Variants in PRKG1 observed in about 807,000 individuals in gnomAD.
PRKG1 encodes cGMP-dependent protein kinase 1.
A neutral mutation model predicts 88.1 loss-of-function variants in PRKG1; 35 were observed. The observed-to-expected ratio is 0.40, with a 90% CI of 0.30 to 0.53. PRKG1 has a LOEUF of 0.53. Among genes scored for constraint, PRKG1 ranks in the 20% least tolerant of loss-of-function variants. PRKG1 has a pLI of 0.59. For synonymous variants in PRKG1, 303 were observed against 292.5 expected (o/e 1.04, Z -0.37); for missense variants, 540 against 839.8 (o/e 0.64, Z 4.41).
At chr10:51,659,770 T>C (rs954447462) in intron 3 of PRKG1, among the ~76,000 whole-genome samples, 9 of 152,094 alleles carry the variant, frequency 5.9e-5, no homozygotes, top group Admixed American at 4.6e-4. Context: ...TCACAAGCCT[T>C]GGAAGATGCC....
intron 3 of PRKG1, among the ~76,000 whole-genome samples, chr10:51,565,637 T>A (rs1257065500): frequency 6.6e-6 from 1 of 152,116 alleles, no homozygotes; most frequent in Non-Finnish European, 1.5e-5. Flanking sequence ...GTATATCCAA[T>A]GTGCAAACTA....
At chr10:51,181,220 T>C (rs1287710227) in intron 2 of PRKG1, among the ~76,000 whole-genome samples, 3 of 137,336 alleles carry the variant, frequency 2.2e-5, no homozygotes, top group Admixed American at 1.5e-4. Context: ...GATTATTATA[T>C]AGAATTTTTT....
chr10:51,943,981 G>A (rs1170232667), intron 5 of PRKG1, among the ~76,000 whole-genome samples: 1 of 151,998 alleles, frequency 6.6e-6, no homozygotes, highest in East Asian at 1.9e-4. Flanking sequence ...AATGAGTTAG[G>A]GAGGATTCCC....
At chr10:51,086,616 T>TAGAAAATGG (rs1324175108) in intron 1 of PRKG1, among the ~76,000 whole-genome samples, 1 of 152,200 alleles carries the variant, frequency 6.6e-6, no homozygotes, top group African/African-American at 2.4e-5. Context: ...CTCACCCCCT[T>TAGAAAATGG]AGAAAATGGA....
chr10:51,149,198 G>A (rs1589195013), intron 1 of PRKG1, among the ~76,000 whole-genome samples: 1 of 152,082 alleles, frequency 6.6e-6, no homozygotes, highest in South Asian at 2.1e-4. Context: ...CTTTATTTCA[G>A]AGAGGCCTTC....
At chr10:51,237,352 G>A (rs376290100) in intron 2 of PRKG1, among the ~76,000 whole-genome samples, 2 of 152,172 alleles carry the variant, frequency 1.3e-5, no homozygotes, top group African/African-American at 4.8e-5. Flanking sequence ...CAGGGCTCTA[G>A]GGACACATGC....
intron 3 of PRKG1, among the ~76,000 whole-genome samples, chr10:51,728,663 G>C (rs984327826): frequency 6.6e-6 from 1 of 152,004 alleles, no homozygotes; most frequent in African/African-American, 2.4e-5. Context: ...TGTTATATAA[G>C]TATCAGCTAT....
At chr10:51,166,441 T>A (rs1315908961) in intron 2 of PRKG1, among the ~76,000 whole-genome samples, 2 of 152,132 alleles carry the variant, frequency 1.3e-5, no homozygotes, top group Non-Finnish European at 2.9e-5. Flanking sequence ...TAAATTTAAA[T>A]TTACAAGAAA....
At chr10:52,167,987 T>TA (rs1212711886) in intron 9 of PRKG1, among the ~76,000 whole-genome samples, 1 of 152,200 alleles carries the variant, frequency 6.6e-6, no homozygotes, top group African/African-American at 2.4e-5. Flanking sequence ...TCCCTTGGTA[T>TA]ACATAAAGAT....
At chr10:51,506,259 T>G (rs1457380001) in intron 3 of PRKG1, among the ~76,000 whole-genome samples, 4 of 152,164 alleles carry the variant, frequency 2.6e-5, no homozygotes, top group Non-Finnish European at 4.4e-5. Flanking sequence ...GGACTTCATG[T>G]CTAAAACACC....
At chr10:51,050,971 G>T (rs1189924113) in intron 1 of PRKG1, among the ~76,000 whole-genome samples, 1 of 151,888 alleles carries the variant, frequency 6.6e-6, no homozygotes, top group Non-Finnish European at 1.5e-5. Flanking sequence ...GTCTCTTCAA[G>T]TCCTTTGCTC....
At chr10:51,892,385 G>A (rs1841743268) in intron 4 of PRKG1, among the ~76,000 whole-genome samples, 1 of 152,072 alleles carries the variant, frequency 6.6e-6, no homozygotes, top group South Asian at 2.1e-4. Context: ...TGAATATTGT[G>A]GTTTTCAAGA....
chr10:51,509,613 C>A (rs1444596021), intron 3 of PRKG1, among the ~76,000 whole-genome samples: 2 of 152,116 alleles, frequency 1.3e-5, no homozygotes, highest in Admixed American at 6.6e-5. Flanking sequence ...GGGGCTTAAG[C>A]AATCCTCCTG....
At chr10:52,158,529 C>T (rs564749129) in intron 8 of PRKG1, among the ~76,000 whole-genome samples, 1 of 151,676 alleles carries the variant, frequency 6.6e-6, no homozygotes, top group African/African-American at 2.4e-5. Context: ...ATCAATTATG[C>T]TTATCAAGAT....
intron 7 of PRKG1, among the ~76,000 whole-genome samples, chr10:52,098,723 A>T (rs1847230028): frequency 6.6e-6 from 1 of 152,204 alleles, no homozygotes; most frequent in Admixed American, 6.5e-5. Context: ...TCCAGGCTGG[A>T]TCAGAAAATG....
chr10:51,760,521 G>T (rs1217501483), intron 3 of PRKG1, among the ~76,000 whole-genome samples: 1 of 150,986 alleles, frequency 6.6e-6, no homozygotes, highest in East Asian at 2.0e-4. Context: ...ACTCAGGCTG[G>T]AGTGCAGTGG....
At chr10:52,027,585 A>G (rs1348977412) in intron 5 of PRKG1, among the ~76,000 whole-genome samples, 1 of 152,196 alleles carries the variant, frequency 6.6e-6, no homozygotes, top group Non-Finnish European at 1.5e-5. Flanking sequence ...GTAGACACAC[A>G]TAAACAATGG....
rs149338459 is a variant in PRKG1 at position 51,599,297 on chromosome 10, C to A, written c.592+131461C>A. On this transcript the variant is annotated intron_variant, in intron 3 of 17. Transcript: ENST00000373980. Reference sequence around the variant, plus strand: ...TAGTGGGTAGTGGCCAGAGGCACTACTAAACATCCCACGATACACAGGACA... The same window carrying A: ...TAGTGGGTAGTGGCCAGAGGCACTAATAAACATCCCACGATACACAGGACA... Among the ~76,000 whole-genome samples the A allele has an allele frequency of 4.9e-3, 748 of 152,204 alleles. 9 individuals are homozygous for A. Among genetic ancestry groups the A allele is most frequent in the African/African-American group, 0.016 (681 of 41,544 alleles).
intron 9 of PRKG1, among the ~76,000 whole-genome samples, chr10:52,196,028 C>A: frequency 6.7e-6 from 1 of 149,388 alleles, no homozygotes; most frequent in East Asian, 2.0e-4. Flanking sequence ...GTTTTTTTTT[C>A]CTGAGATGGA....
Sources: allele counts gnomAD v4.1 joint callset (sites outside exome capture counted in the v4.1 genomes callset), GRCh38; gene constraint gnomAD v4.1.1; transcripts MANE v1.5; gene names NCBI Gene and HGNC (gene_info 2026-07-23, HGNC 2026-07-21).